TTC28: variants seen among roughly 807,000 people sequenced by gnomAD.
TTC28 encodes tetratricopeptide repeat domain 28.
Under a neutral mutation model 198.0 loss-of-function variants are expected in TTC28, and 61 were observed. The observed-to-expected ratio is 0.31, with a 90% CI of 0.25 to 0.38. The LOEUF (loss-of-function observed/expected upper bound fraction) is 0.38. Ranked by LOEUF, TTC28 falls within the 10% of genes least tolerant of loss-of-function variation. TTC28 has a pLI of 1.00. For synonymous variants in TTC28, 1,171 were observed against 1,297.8 expected, an observed-to-expected ratio of 0.90 and a Z score of 2.10; for missense variants, 2,678 against 3,164.0, an observed-to-expected ratio of 0.85 and a Z score of 3.69.
chr22:28,102,072 A>C (rs1458936591), intron 8 of TTC28, among the ~76,000 whole-genome samples: 1 of 152,176 alleles, frequency 6.6e-6, no homozygotes, highest in South Asian at 2.1e-4. Context: ...CTGGCTGATA[A>C]ACTTATCTAA....
chr22:28,168,647 C>T (rs563706215), intron 5 of TTC28, among the ~76,000 whole-genome samples: 2 of 152,228 alleles, frequency 1.3e-5, no homozygotes, highest in African/African-American at 4.8e-5. Flanking sequence ...GGATCCCTTC[C>T]TTACACCTTA....
rs1051257171 is a variant in TTC28 at position 28,140,751 on chromosome 22, ACT to A, written c.1441+22339_1441+22340del. Among the ~76,000 whole-genome samples, 59 of 152,208 alleles carry A rather than the reference ACT, an allele frequency of 3.9e-4. 1 individual carries two copies. Among genetic ancestry groups the A allele is most frequent in the African/African-American group, 1.4e-3 (59 of 41,458 alleles). ...TAACTAAATATAATTAATTTTTATA[ACT>A]CTCTTACATATTTATTTAAATAAAC... On this transcript the variant is annotated intron_variant, in intron 6 of 22. Coordinates refer to ENST00000397906, the MANE Select transcript of TTC28 (RefSeq NM_001145418.2).
intron 12 of TTC28, among the ~76,000 whole-genome samples, chr22:28,044,526 A>C (rs1233054299): frequency 6.6e-6 from 1 of 152,106 alleles, no homozygotes; most frequent in Non-Finnish European, 1.5e-5. Flanking sequence ...ATATGTATAC[A>C]TGTGCCATGT....
At chr22:28,293,306 C>G (rs2044822864) in intron 5 of TTC28, among the ~76,000 whole-genome samples, 1 of 152,072 alleles carries the variant, frequency 6.6e-6, no homozygotes, top group South Asian at 2.1e-4. Context: ...GAAGGAAATC[C>G]TGACATTTGC....
At chr22:28,553,482 CG>C (rs1410938087) in intron 2 of TTC28, among the ~76,000 whole-genome samples, 1 of 151,754 alleles carries the variant, frequency 6.6e-6, no homozygotes, top group African/African-American at 2.4e-5. Context: ...GCCGCAACCC[CG>C]TCTGGGAGGC....
intron 5 of TTC28, among the ~76,000 whole-genome samples, chr22:28,269,130 A>G (rs991083849): frequency 1.3e-5 from 2 of 152,038 alleles, no homozygotes; most frequent in Non-Finnish European, 2.9e-5. Context: ...TATTATACCT[A>G]GTTTATGATT....
At chr22:28,214,833 G>A (rs931299483) in intron 5 of TTC28, among the ~76,000 whole-genome samples, 19 of 152,140 alleles carry the variant, frequency 1.2e-4, no homozygotes, top group Admixed American at 5.9e-4. Context: ...ACATGCACAC[G>A]TATGTTTATT....
intron 5 of TTC28, among the ~76,000 whole-genome samples, chr22:28,237,039 T>G (rs1929297956): frequency 6.6e-6 from 1 of 152,208 alleles, no homozygotes; most frequent in Admixed American, 6.5e-5. Context: ...TTTGTTCCTT[T>G]TTCCCCTCTT....
chr22:28,479,776 G>A (rs2048219731), intron 2 of TTC28, among the ~76,000 whole-genome samples: 1 of 151,882 alleles, frequency 6.6e-6, no homozygotes, highest in African/African-American at 2.4e-5. Context: ...CCACACCCTA[G>A]TCTCTTCATC....
intron 2 of TTC28, among the ~76,000 whole-genome samples, chr22:28,492,509 C>CA (rs2048393945): frequency 6.6e-6 from 1 of 151,610 alleles, no homozygotes; most frequent in Admixed American, 6.6e-5. Flanking sequence ...CCACAAGGAC[C>CA]AAAAAACAAA....
chr22:28,260,890 T>C (rs1931269994), intron 5 of TTC28, among the ~76,000 whole-genome samples: 1 of 152,128 alleles, frequency 6.6e-6, no homozygotes, highest in South Asian at 2.1e-4. Context: ...CACAGTAAGA[T>C]ATGCACCATC....
intron 2 of TTC28, among the ~76,000 whole-genome samples, chr22:28,445,716 C>A (rs997499825): frequency 1.3e-5 from 2 of 152,184 alleles, no homozygotes; most frequent in African/African-American, 4.8e-5. Context: ...TAAGTCCCTT[C>A]AGGAGTCTAT....
chr22:28,103,192 G>A (rs1444101013), intron 8 of TTC28, among the ~76,000 whole-genome samples: 1 of 152,132 alleles, frequency 6.6e-6, no homozygotes, highest in Non-Finnish European at 1.5e-5. Flanking sequence ...CTGCCTCTTA[G>A]GAACCTGACT....
At chr22:27,989,567 C>T (rs1423016247) in intron 21 of TTC28, among the ~76,000 whole-genome samples, 1 of 152,018 alleles carries the variant, frequency 6.6e-6, no homozygotes, top group Non-Finnish European at 1.5e-5. Flanking sequence ...TGCCTCAGTC[C>T]TCCTGAGTAA....
chr22:28,334,083 T>A (rs1251942223), intron 2 of TTC28, among the ~76,000 whole-genome samples: 1 of 147,782 alleles, frequency 6.8e-6, no homozygotes, highest in Non-Finnish European at 1.5e-5. Flanking sequence ...TTCCCACCTA[T>A]GAGTGACAAC....
chr22:28,147,012 CTT>C (rs1282582556), intron 6 of TTC28, among the ~76,000 whole-genome samples: 1 of 152,170 alleles, frequency 6.6e-6, no homozygotes, highest in African/African-American at 2.4e-5. Context: ...TAAAGGACCA[CTT>C]TCAGAAATCT....
At chr22:28,291,744 CA>C (rs1436240176) in intron 5 of TTC28, among the ~76,000 whole-genome samples, 16 of 152,068 alleles carry the variant, frequency 1.1e-4, no homozygotes, top group African/African-American at 3.9e-4. Flanking sequence ...GATTTACCTA[CA>C]AGGATATTTT....
At chr22:28,295,151 T>C (rs1346979609) in intron 5 of TTC28, among the ~76,000 whole-genome samples, 1 of 152,204 alleles carries the variant, frequency 6.6e-6, no homozygotes, top group African/African-American at 2.4e-5. Context: ...TAGTCTGTTT[T>C]GGTGGCTTTC....
chr22:28,483,868 G>A (rs1442311866), intron 2 of TTC28, among the ~76,000 whole-genome samples: 1 of 152,174 alleles, frequency 6.6e-6, no homozygotes, highest in Non-Finnish European at 1.5e-5. Flanking sequence ...ACCACCTTGG[G>A]CAAGTCAGTT....
Sources: allele counts gnomAD v4.1 joint callset (sites outside exome capture counted in the v4.1 genomes callset), GRCh38; gene constraint gnomAD v4.1.1; transcripts MANE v1.5; gene names NCBI Gene and HGNC (gene_info 2026-07-23, HGNC 2026-07-21).